DCAKD: variants seen among roughly 807,000 people sequenced by gnomAD.
DCAKD encodes the protein dephospho-CoA kinase domain containing, also known as dephospho-CoA kinase domain-containing protein.
A neutral mutation model predicts 18.7 loss-of-function variants in DCAKD; 15 were observed. The observed-to-expected ratio is 0.80, with a 90% CI of 0.54 to 1.24. The LOEUF is 1.24. Among genes scored for constraint, DCAKD ranks in the 50% most tolerant of loss-of-function variants. DCAKD has a pLI of 0.00. For missense variants in DCAKD, 301 were observed against 322.0 expected (o/e 0.93, Z 0.50); for synonymous variants, 130 against 133.0 (o/e 0.98, Z 0.16).
intron 1 of DCAKD, among the ~76,000 whole-genome samples, chr17:45,048,434 T>G (rs1356690201): frequency 6.6e-6 from 1 of 151,972 alleles, no homozygotes; most frequent in Non-Finnish European, 1.5e-5. Context: ...GGTCAGGAGT[T>G]TGAGACCTGC....
intron 1 of DCAKD, among the ~76,000 whole-genome samples, chr17:45,041,374 C>T (rs888810706): frequency 2.7e-5 from 4 of 150,354 alleles, no homozygotes; most frequent in Admixed American, 1.3e-4. Context: ...TGCAGTGGTG[C>T]GATCTCGGCT....
intron 3 of DCAKD, 22 bp downstream of exon 3, chr17:45,034,165 C>A (rs779287996): frequency 1.9e-6 from 3 of 1,609,104 alleles, no homozygotes; most frequent in Non-Finnish European, 2.6e-6. Context: ...CCCCGCCCCC[C>A]GCCCCAGGCC....
chr17:45,034,361 G>A lies in DCAKD; in HGVS notation c.142C>T (p.Arg48Cys), dbSNP rs199996338. ...VVQPGYPAHR[R>C]IVEVFGTEVL... ...TCAGTGCCGAAGACCTCTACGATGC[G>A]CCGGTGGGCAGGGTATCCTGGCTGC... Residue 48 changes from arginine (R) to cysteine (C), a missense_variant, in exon 3 of 5, where the codon CGC becomes TGC. Transcript: ENST00000651974. 1.7e-5 allele frequency: 28 copies of A among 1,613,806 alleles called. No homozygotes were observed. The highest frequency in any genetic ancestry group is 2.7e-5 in the African/African-American group (2 of 74,926).
At position 45,024,631 on chromosome 17, in the gene DCAKD, T is replaced by G. The variant is rs1234174902; in HGVS notation, c.498A>C (p.Thr166=). The change falls in exon 5 of 5, where the codon ACA becomes ACC. Residue 166 remains threonine (T), a synonymous_variant. Transcript: ENST00000651974. ...EARINAQLPL[T]DKARMARHVL... Reference sequence around the variant, plus strand: ...CATGGCGGGCCATGCGGGCCTTGTCTGTCAGGGGCAGCTGGGCATTGATGC... The same window carrying G: ...CATGGCGGGCCATGCGGGCCTTGTCGGTCAGGGGCAGCTGGGCATTGATGC... 1 of 1,613,424 alleles carries G rather than the reference T, an allele frequency of 6.2e-7. No individual in the cohort carries two copies. The highest frequency in any genetic ancestry group is 8.5e-7 in the Non-Finnish European group (1 of 1,179,444).
chr17:45,030,052 C>T (rs550847925), intron 4 of DCAKD, 40 bp downstream of exon 4: 2 of 1,559,532 alleles, frequency 1.3e-6, no homozygotes, highest in African/African-American at 1.4e-5. Flanking sequence ...CAGATACCCC[C>T]ATGGTCCTCC....
chr17:45,034,128 G>T, intron 3 of DCAKD, 59 bp downstream of exon 3: 6 of 1,610,658 alleles, frequency 3.7e-6, no homozygotes, highest in South Asian at 1.1e-5. Flanking sequence ...TTCTGCAGAG[G>T]AGAAGGGCCC....
At chr17:45,050,416 C>T (rs1178607138) in intron 1 of DCAKD, among the ~76,000 whole-genome samples, 2 of 152,088 alleles carry the variant, frequency 1.3e-5, no homozygotes, top group African/African-American at 4.8e-5. Context: ...CTTCTTCTCT[C>T]CTTAAGGTAC....
chr17:45,052,874 A>G (rs1437752369), upstream of DCAKD, among the ~76,000 whole-genome samples: 1 of 150,648 alleles, frequency 6.6e-6, no homozygotes, highest in Non-Finnish European at 1.5e-5. Flanking sequence ...AAAAAAATAA[A>G]GCATCTAGGC....
At chr17:45,040,358 G>T (rs2053405285) in intron 1 of DCAKD, among the ~76,000 whole-genome samples, 1 of 140,466 alleles carries the variant, frequency 7.1e-6, no homozygotes, top group Non-Finnish European at 1.5e-5. Context: ...TTGCACTCCA[G>T]CCTGGGCAAC....
chr17:45,031,271 TC>T (rs1481354486), intron 3 of DCAKD: 1 of 985,034 alleles, frequency 1.0e-6, no homozygotes, highest in African/African-American at 1.8e-5. Context: ...GGTTTCCTGT[TC>T]CCCAAGACCT....
chr17:45,025,007 CTCTT>C (rs1567827085), intron 4 of DCAKD, among the ~76,000 whole-genome samples: 12 of 118,956 alleles, frequency 1.0e-4, no homozygotes, highest in Admixed American at 2.6e-4. Context: ...TTGGCCACAG[CTCTT>C]TTTTTTTTTT....
Position 45,060,732 on chromosome 17 carries a change from T to C in DCAKD, c.-118+156A>G, listed in dbSNP as rs59833884. Reference sequence around the variant, plus strand: ...AAAATCCACTGCCTCTCATGAGACCTTGAACTGCCAATGACCGCAGGTTGC... The same window carrying C: ...AAAATCCACTGCCTCTCATGAGACCCTGAACTGCCAATGACCGCAGGTTGC... On this transcript the variant is annotated intron_variant, in intron 1 of 4. Coordinates refer to the DCAKD transcript ENST00000310604. Among the ~76,000 whole-genome samples the C allele has an allele frequency of 2.5e-3, 381 of 152,296 alleles. 3 individuals are homozygous for C. Among genetic ancestry groups the C allele is most frequent in the African/African-American group, 9.0e-3 (375 of 41,578 alleles).
At chr17:45,034,455 G>T in intron 2 of DCAKD, 65 bp from the exon 3 acceptor site, 1 of 1,569,582 alleles carries the variant, frequency 6.4e-7, no homozygotes. Flanking sequence ...GGACCTCAGT[G>T]ACCAGGGGCA....
rs1051916809 is a variant in DCAKD at position 45,023,657 on chromosome 17, T to C, written c.*776A>G. The C allele has an allele frequency of 3.7e-5, 5 of 134,360 alleles. No individual in the cohort carries two copies. The highest frequency in any genetic ancestry group is 1.4e-4 in the African/African-American group (5 of 35,944). The allele number at this position is 134,360 out of a possible 1,614,324, so 8.3% of individuals were successfully genotyped here. A position where few individuals can be genotyped will look rare whatever the true frequency, so the allele number is the denominator to read the frequency against. ...AAGAAATAAAAGAAAATAAAAGGTATCCCAGGCCAGGAGCAGCAGGTTGAA... is the reference window on the plus strand; with the variant it reads ...AAGAAATAAAAGAAAATAAAAGGTACCCCAGGCCAGGAGCAGCAGGTTGAA... On this transcript the variant is annotated 3_prime_UTR_variant, in exon 5 of 5. Transcript: ENST00000651974.
At chr17:45,029,207 G>A (rs929097344) in intron 4 of DCAKD, among the ~76,000 whole-genome samples, 6 of 152,302 alleles carry the variant, frequency 3.9e-5, no homozygotes, top group African/African-American at 9.6e-5. Context: ...GGATGCCTGC[G>A]TCCCTGCATT....
chr17:45,058,749 T>C (rs1295582443), intron 1 of DCAKD, among the ~76,000 whole-genome samples: 1 of 151,484 alleles, frequency 6.6e-6, no homozygotes, highest in Non-Finnish European at 1.5e-5. Flanking sequence ...TTCTTACCTC[T>C]GACCCCCCCC....
chr17:45,034,969 G>A lies in DCAKD; in HGVS notation c.-84C>T. 6.9e-7 allele frequency: 1 copy of A among 1,448,504 alleles called. No individual in the cohort carries two copies. Among genetic ancestry groups the A allele is most frequent in the Admixed American group, 1.9e-5 (1 of 52,782 alleles). 89.7% of individuals were successfully genotyped at this position (1,448,504 alleles called of 1,614,324 possible). On this transcript the variant is annotated 5_prime_UTR_variant, in exon 2 of 5. Coordinates refer to ENST00000651974, the MANE Select transcript of DCAKD (RefSeq NM_001288655.2). ...AGAGCAGGGCAAGTGTGGCCGATGGGGGCGGTCCACCAGAGGAGTGCCAGA... is the reference window on the plus strand; with the variant it reads ...AGAGCAGGGCAAGTGTGGCCGATGGAGGCGGTCCACCAGAGGAGTGCCAGA...
At chr17:45,046,684 GGAGAAT>G (rs970541646) in intron 1 of DCAKD, among the ~76,000 whole-genome samples, 3 of 150,716 alleles carry the variant, frequency 2.0e-5, no homozygotes, top group Admixed American at 6.6e-5. Flanking sequence ...CCTACACACA[GGAGAAT>G]GAGAACACTT....
intron 1 of DCAKD, among the ~76,000 whole-genome samples, chr17:45,051,026 A>G (rs1476067083): frequency 6.6e-6 from 1 of 152,226 alleles, no homozygotes; most frequent in East Asian, 1.9e-4. Flanking sequence ...AAAATCGGAG[A>G]TGATCACTCA....
Sources: gnomAD v4.1 joint callset for allele counts (sites outside exome capture counted in the v4.1 genomes callset) on GRCh38, gnomAD v4.1.1 for gene constraint, MANE v1.5 for transcripts, NCBI Gene and HGNC (gene_info 2026-07-23, HGNC 2026-07-21) for gene names.